Variants in AXDND1 observed in about 807,000 individuals in gnomAD.
The protein encoded by AXDND1 is axonemal dynein light chain domain containing 1.
Under a neutral mutation model 137.5 loss-of-function variants are expected in AXDND1, and 110 were observed. The ratio of observed to expected loss-of-function variants is 0.80; its 90% CI spans 0.69 to 0.94. The LOEUF is 0.94. Ranked by LOEUF, AXDND1 falls within the 40% of genes least tolerant of loss-of-function variation. The pLI is 0.00. For missense variants in AXDND1, 1,191 were observed against 1,169.8 expected (o/e 1.02, Z -0.26); for synonymous variants, 414 against 399.7 (o/e 1.04, Z -0.43).
chr1:179,553,501 C>T (rs1673620136), intron 25 of AXDND1, among the ~76,000 whole-genome samples: 2 of 152,136 alleles, frequency 1.3e-5, no homozygotes, highest in South Asian at 4.1e-4. Flanking sequence ...AGAAGCCAGA[C>T]ACAAAAAGCC....
At chr1:179,536,526 G>C (rs1671575243) in intron 25 of AXDND1, among the ~76,000 whole-genome samples, 1 of 152,122 alleles carries the variant, frequency 6.6e-6, no homozygotes, top group African/African-American at 2.4e-5. Flanking sequence ...GGTTGTAAAT[G>C]TGTGGTGTTA....
chr1:179,491,738 G>A lies in AXDND1; in HGVS notation c.2291+1G>A, dbSNP rs758212592. 2.6e-6 allele frequency: 4 copies of A among 1,538,594 alleles called. No individual in the cohort carries two copies. The highest frequency in any genetic ancestry group is 1.3e-5 in the South Asian group (1 of 77,718). On this transcript the variant is annotated splice_donor_variant, in intron 19 of 25. Transcript: ENST00000367618. LOFTEE classifies it high-confidence loss of function. ...ACCAATACTCCAGCTATTTGAGCAG[G>A]TGAAGCGGTTATTTTATTGTTGCCC...
At chr1:179,472,228 T>G (rs547279470) in intron 17 of AXDND1, among the ~76,000 whole-genome samples, 1 of 152,356 alleles carries the variant, frequency 6.6e-6, no homozygotes, top group Middle Eastern at 3.4e-3. Context: ...CAAAGTATTT[T>G]TATGATTTCT....
At position 179,489,291 on chromosome 1, in the gene AXDND1, T is replaced by A. The variant is rs113069929; in HGVS notation, c.2092-2247T>A. On this transcript the variant is annotated intron_variant, in intron 18 of 25. Transcript: ENST00000367618. ...TTCTTTGTTTTTAATTTATTTTAATTTTAAATTCACCTATGATTTATTATT... is the reference window on the plus strand; with the variant it reads ...TTCTTTGTTTTTAATTTATTTTAATATTAAATTCACCTATGATTTATTATT... Among the ~76,000 whole-genome samples the A allele has an allele frequency of 3.5e-3, 539 of 152,310 alleles. 4 individuals carry two copies. Among genetic ancestry groups the A allele is most frequent in the African/African-American group, 0.012 (508 of 41,568 alleles).
chr1:179,431,267 A>C (rs1243578937), intron 14 of AXDND1, among the ~76,000 whole-genome samples: 3 of 151,964 alleles, frequency 2.0e-5, no homozygotes, highest in Admixed American at 1.3e-4. Flanking sequence ...TCAGCCTCCC[A>C]AGTAGCTGGG....
intron 16 of AXDND1, among the ~76,000 whole-genome samples, chr1:179,465,238 TC>T (rs1662956433): frequency 6.6e-6 from 1 of 152,210 alleles, no homozygotes. Flanking sequence ...CTCTGGTTTC[TC>T]CCCCTTTGTG....
At chr1:179,375,760 T>C (rs1385879102) in intron 4 of AXDND1, among the ~76,000 whole-genome samples, 1 of 152,162 alleles carries the variant, frequency 6.6e-6, no homozygotes, top group Non-Finnish European at 1.5e-5. Context: ...TCTTTGTGAC[T>C]ATGTAAAACC....
chr1:179,468,521 A>G lies in AXDND1; in HGVS notation c.1877A>G (p.Asp626Gly). ...AAGTTGGAAAACCTGGAGTTTCCTGATACGCCTCTTGAAGAATGGCAGGAA... is the reference window on the plus strand; with the variant it reads ...AAGTTGGAAAACCTGGAGTTTCCTGGTACGCCTCTTGAAGAATGGCAGGAA... The part of the protein sequence containing the change: ...SFKLENLEFP[D>G]TPLEEWQEID... The change falls in exon 17 of 26, where the codon GAT (aspartate) becomes GGT (glycine). Residue 626 changes from aspartate to glycine, a missense_variant. Coordinates refer to ENST00000367618, the MANE Select transcript of AXDND1 (RefSeq NM_144696.6). The G allele has an allele frequency of 6.2e-7, 1 of 1,613,016 alleles. No homozygotes were observed. Among genetic ancestry groups the G allele is most frequent in the Non-Finnish European group, 8.5e-7 (1 of 1,179,500 alleles).
chr1:179,421,059 TC>T (rs1655618618), intron 12 of AXDND1, among the ~76,000 whole-genome samples: 1 of 114,214 alleles, frequency 8.8e-6, no homozygotes, highest in Non-Finnish European at 1.8e-5. Context: ...CTTCCTTCCT[TC>T]CTTCCTTCCT....
intron 23 of AXDND1, among the ~76,000 whole-genome samples, chr1:179,528,781 A>G (rs528239639): frequency 7.2e-5 from 11 of 151,822 alleles, no homozygotes; most frequent in African/African-American, 2.7e-4. Context: ...TAGCAGGGAC[A>G]GGGTTTCACC....
intron 16 of AXDND1, among the ~76,000 whole-genome samples, chr1:179,467,775 G>A (rs909044416): frequency 6.6e-6 from 1 of 152,062 alleles, no homozygotes; most frequent in Non-Finnish European, 1.5e-5. Context: ...GATGAAGGAA[G>A]GCAGTGAAAA....
intron 11 of AXDND1, among the ~76,000 whole-genome samples, chr1:179,398,733 G>C (rs1037612444): frequency 6.6e-6 from 1 of 152,090 alleles, no homozygotes; most frequent in African/African-American, 2.4e-5. Flanking sequence ...GCAGGGGAGA[G>C]TCCACTGTTC....
chr1:179,547,066 G>A (rs1388518234), intron 25 of AXDND1, among the ~76,000 whole-genome samples: 1 of 152,220 alleles, frequency 6.6e-6, no homozygotes, highest in Non-Finnish European at 1.5e-5. Context: ...AATTCTGCTT[G>A]CAGGCCCCAA....
intron 16 of AXDND1, among the ~76,000 whole-genome samples, chr1:179,446,955 G>T (rs1659818822): frequency 6.6e-6 from 1 of 151,808 alleles, no homozygotes. Context: ...CATATTAATG[G>T]GGTACATGTG....
chr1:179,537,543 C>T (rs1042295771), intron 25 of AXDND1, among the ~76,000 whole-genome samples: 5 of 152,156 alleles, frequency 3.3e-5, no homozygotes, highest in Admixed American at 6.5e-5. Flanking sequence ...GGGATGAAGC[C>T]GACTTGATTG....
At chr1:179,431,950 C>G (rs1040267942) in intron 14 of AXDND1, among the ~76,000 whole-genome samples, 1 of 152,122 alleles carries the variant, frequency 6.6e-6, no homozygotes, top group African/African-American at 2.4e-5. Context: ...TTATATAGTG[C>G]TTTGACAGCT....
At chr1:179,483,370 A>G (rs1665659494) in intron 18 of AXDND1, 149 bp downstream of exon 18, 5 of 507,326 alleles carry the variant, frequency 9.9e-6, no homozygotes, top group Non-Finnish European at 1.7e-5. Context: ...ATAATTTTCA[A>G]TGGATTTTTT....
At chr1:179,493,450 C>T (rs1454959212) in intron 20 of AXDND1, among the ~76,000 whole-genome samples, 3 of 152,108 alleles carry the variant, frequency 2.0e-5, no homozygotes, top group Non-Finnish European at 4.4e-5. Flanking sequence ...TACTAGATAA[C>T]TTCAGTGCAT....
At chr1:179,546,161 C>G (rs1009833461) in intron 25 of AXDND1, 1 of 152,142 alleles carries the variant, frequency 6.6e-6, no homozygotes, top group African/African-American at 2.4e-5. Context: ...TATGGATGAA[C>G]CAGGGATGTT....
Sources: gnomAD v4.1 joint callset for allele counts (sites outside exome capture counted in the v4.1 genomes callset) on GRCh38, gnomAD v4.1.1 for gene constraint, MANE v1.5 for transcripts, NCBI Gene and HGNC (gene_info 2026-07-23, HGNC 2026-07-21) for gene names.